The following FEM1B variants were observed in gnomAD, a reference collection of about 807,000 sequenced individuals.
The protein encoded by FEM1B is protein fem-1 homolog B.
FEM1B carries 10 observed loss-of-function variants against 38.6 expected under a neutral mutation model. That is an observed-to-expected ratio of 0.26 (90% CI 0.16 to 0.44). The LOEUF (loss-of-function observed/expected upper bound fraction) is 0.44. Ranked by LOEUF, FEM1B falls within the 20% of genes least tolerant of loss-of-function variation. The pLI is 1.00. For synonymous variants in FEM1B, 288 were observed against 288.0 expected (o/e 1.00, Z 0.00); for missense variants, 471 against 786.7 (o/e 0.60, Z 4.80).
At position 68,288,778 on chromosome 15, in the gene FEM1B, A is replaced by C. The variant is rs950087506; in HGVS notation, c.249-829A>C. On this transcript the variant is annotated intron_variant, in intron 1 of 1. Transcript: ENST00000306917. The surrounding 1 kb of genome is among the most constrained non-coding windows in gnomAD (Gnocchi z 4.6). Reference sequence around the variant, plus strand: ...ACACAGACAAGCAGTATATGCACACACATATACATATACATTTTAAAACTT... The same window carrying C: ...ACACAGACAAGCAGTATATGCACACCCATATACATATACATTTTAAAACTT... Among the ~76,000 whole-genome samples, 7 of 152,202 alleles carry C rather than the reference A, an allele frequency of 4.6e-5. No individual in the cohort carries two copies. Among genetic ancestry groups the C allele is most frequent in the African/African-American group, 1.7e-4 (7 of 41,444 alleles).
chr15:68,283,751 TTATTA>T (rs1048186853), intron 1 of FEM1B, among the ~76,000 whole-genome samples: 7 of 152,174 alleles, frequency 4.6e-5, no homozygotes, highest in Admixed American at 3.3e-4. Context: ...TTGTATTTTT[TTATTA>T]TATTAATCAG....
Position 68,291,210 on chromosome 15 carries a change from A to T in FEM1B, c.1852A>T (p.Arg618Ter). ...CATTAACTACCAAGACCAGATCCCC[A>T]GAACTCTTGAAGAGTTTGTTGGATT... ...NDINYQDQIP[R>*]TLEEFVGFH is the part of the protein sequence containing the mutation. The change falls in exon 2 of 2, where the codon AGA (arginine) becomes TGA (stop). Residue 618 changes from arginine to a stop codon, truncating the protein, a stop_gained. Coordinates refer to ENST00000306917, the MANE Select transcript of FEM1B (RefSeq NM_015322.5). LOFTEE classifies it high-confidence loss of function. The surrounding 1 kb of genome is among the most constrained non-coding windows in gnomAD (Gnocchi z 6.9). The T allele has an allele frequency of 6.2e-7, 1 of 1,605,940 alleles. No homozygotes were observed. Among genetic ancestry groups the T allele is most frequent in the Non-Finnish European group, 8.5e-7 (1 of 1,177,066 alleles).
intron 1 of FEM1B, among the ~76,000 whole-genome samples, chr15:68,282,646 A>G (rs1160872699): frequency 1.3e-5 from 2 of 152,248 alleles, no homozygotes; most frequent in Non-Finnish European, 2.9e-5. Flanking sequence ...AGATGAATAC[A>G]TAATAGAGAA....
rs570469364 is a variant in FEM1B, at chr15:68,278,319, G to A, written c.-99G>A. 2 of 1,461,884 alleles carry A rather than the reference G, an allele frequency of 1.4e-6. No homozygotes were observed. The highest frequency in any genetic ancestry group is 1.4e-5 in the African/African-American group (1 of 70,960). 90.6% of individuals were successfully genotyped at this position (1,461,884 alleles called of 1,614,324 possible). ...GCGACGGCGCCCTGTTGAATGGGCT[G>A]TGAGGGCCCAGGTTTAAAGCGCTGG... On this transcript the variant is annotated 5_prime_UTR_variant, in exon 1 of 2. In the 5' UTR this introduces an upstream ATG that the reference lacks. Coordinates refer to ENST00000306917, the MANE Select transcript of FEM1B (RefSeq NM_015322.5). The surrounding 1 kb of genome is among the most constrained non-coding windows in gnomAD (Gnocchi z 5.7).
rs1020865834 is a variant in FEM1B, at chr15:68,281,279, G to T, written c.248+2614G>T. ...AGTAGATTAGTGTTTCTAATTTTTA[G>T]TCATTCACGTGCTAGCTTCATAATT... On this transcript the variant is annotated intron_variant, in intron 1 of 1. Transcript: ENST00000306917. The surrounding 1 kb of genome is among the most constrained non-coding windows in gnomAD (Gnocchi z 5.1). Among the ~76,000 whole-genome samples the T allele has an allele frequency of 1.3e-5, 2 of 152,170 alleles. No individual in the cohort carries two copies. Among genetic ancestry groups the T allele is most frequent in the Non-Finnish European group, 2.9e-5 (2 of 68,026 alleles).
chr15:68,291,973 A>G lies in FEM1B; in HGVS notation c.*731A>G, dbSNP rs972410405. 6 of 152,328 alleles carry G rather than the reference A, an allele frequency of 3.9e-5. No homozygotes were observed. Among genetic ancestry groups the G allele is most frequent in the East Asian group, 3.9e-4 (2 of 5,194 alleles). The allele number at this position is 152,328 out of a possible 1,614,324, so 9.4% of individuals were successfully genotyped here. A position where few individuals can be genotyped will look rare whatever the true frequency, so the allele number is the denominator to read the frequency against. The stretch of plus-strand genomic sequence containing the variant: ...TTTAGGCTTGAATTCTTCAAAGTCT[A>G]TTTTAATGAAATTTATCTAAATTGC... On this transcript the variant is annotated 3_prime_UTR_variant, in exon 2 of 2. Transcript: ENST00000306917. This position sits in a 1 kb window ranked among gnomAD's most constrained non-coding sequence, Gnocchi z 6.9.
At chr15:68,283,501 C>CT (rs1312511122) in intron 1 of FEM1B, among the ~76,000 whole-genome samples, 1 of 84,874 alleles carries the variant, frequency 1.2e-5, no homozygotes, top group East Asian at 3.2e-4. Context: ...TCATCTCTAC[C>CT]TAAAAAAAAA....
Position 68,291,319 on chromosome 15 carries a change from G to A in FEM1B, c.*77G>A, listed in dbSNP as rs1312481156. 27 of 1,136,616 alleles carry A rather than the reference G, an allele frequency of 2.4e-5. No individual in the cohort carries two copies. The highest frequency in any genetic ancestry group is 5.1e-5 in the Admixed American group (2 of 39,112). 70.4% of individuals were successfully genotyped at this position (1,136,616 alleles called of 1,614,324 possible). On this transcript the variant is annotated 3_prime_UTR_variant, in exon 2 of 2. Coordinates refer to ENST00000306917, the MANE Select transcript of FEM1B (RefSeq NM_015322.5). This position sits in a 1 kb window ranked among gnomAD's most constrained non-coding sequence, Gnocchi z 6.9. ...TTAATCACAGACAGTAGAATTATGT[G>A]TTCATAAATTCTGCTTTTCTTTCCA...
chr15:68,279,522 A>G (rs745343555), intron 1 of FEM1B, among the ~76,000 whole-genome samples: 12 of 152,214 alleles, frequency 7.9e-5, no homozygotes, highest in African/African-American at 1.7e-4. Context: ...TTACAACTGT[A>G]TAACGATTTT....
Position 68,295,270 on chromosome 15 carries a change from CAT to C in FEM1B, c.*4029_*4030del, listed in dbSNP as rs1021880986. 1.4e-4 allele frequency: 21 copies of C among 152,066 alleles called. No individual in the cohort carries two copies. Among genetic ancestry groups the C allele is most frequent in the African/African-American group, 4.8e-4 (20 of 41,374 alleles). 9.4% of individuals were successfully genotyped at this position (152,066 alleles called of 1,614,324 possible). A position where few individuals can be genotyped will look rare whatever the true frequency, so the allele number is the denominator to read the frequency against. ...TTTACAGCTTTTATTCAGGGTGAGT[CAT>C]GTGATGAATGGCCTAATCAGAAAAG... On this transcript the variant is annotated 3_prime_UTR_variant, in exon 2 of 2. Transcript: ENST00000306917.
rs1385251492 is a variant in FEM1B at position 68,292,787 on chromosome 15, T to C, written c.*1545T>C. 6.6e-6 allele frequency: 1 copy of C among 152,000 alleles called. No homozygotes were observed. Among genetic ancestry groups the C allele is most frequent in the Admixed American group, 6.5e-5 (1 of 15,268 alleles). 9.4% of individuals were successfully genotyped at this position (152,000 alleles called of 1,614,324 possible). On this transcript the variant is annotated 3_prime_UTR_variant, in exon 2 of 2. Transcript: ENST00000306917. ...TTGCAGTTGGATCAGTATAAAACAA[T>C]GACCAAGCCAAAATCAGCACCCTAG... is the stretch of plus-strand genomic sequence containing the variant.
At position 68,290,297 on chromosome 15, in the gene FEM1B, A is replaced by G; in HGVS notation, c.939A>G (p.Glu313=). 3 of 1,614,152 alleles carry G rather than the reference A, an allele frequency of 1.9e-6. No homozygotes were observed. Among genetic ancestry groups the G allele is most frequent in the South Asian group, 2.2e-5 (2 of 91,090 alleles). The change falls in exon 2 of 2, where the codon GAA becomes GAG. Residue 313 remains glutamate (E), a synonymous_variant. Coordinates refer to ENST00000306917, the MANE Select transcript of FEM1B (RefSeq NM_015322.5). This position sits in a 1 kb window ranked among gnomAD's most constrained non-coding sequence, Gnocchi z 9.7. ...GAACTGAATGTAGAAATCCTCAGGA[A>G]CTGGAGTCCATTCGGCAAGACAGAG... ...GNRTECRNPQ[E]LESIRQDRDA...
In FEM1B at chr15:68,281,172, AC is replaced by A. The variant is rs1892721888; in HGVS notation, c.248+2510del. On this transcript the variant is annotated intron_variant, in intron 1 of 1. Transcript: ENST00000306917. This position sits in a 1 kb window ranked among gnomAD's most constrained non-coding sequence, Gnocchi z 5.1. ...ACATTAACAATAGAAAGCTGACTTG[AC>A]CCTTGGGGGCTGACCTTTGAAAAAC... Among the ~76,000 whole-genome samples, 1 of 152,142 alleles carries A rather than the reference AC, an allele frequency of 6.6e-6. No individual in the cohort carries two copies. Among genetic ancestry groups the A allele is most frequent in the African/African-American group, 2.4e-5 (1 of 41,438 alleles).
At position 68,293,965 on chromosome 15, in the gene FEM1B, G is replaced by T. The variant is rs1892876040; in HGVS notation, c.*2723G>T. 6.6e-6 allele frequency: 1 copy of T among 152,140 alleles called. No individual in the cohort carries two copies. Among genetic ancestry groups the T allele is most frequent in the Admixed American group, 6.5e-5 (1 of 15,272 alleles). 9.4% of individuals were successfully genotyped at this position (152,140 alleles called of 1,614,324 possible). On this transcript the variant is annotated 3_prime_UTR_variant, in exon 2 of 2. Transcript: ENST00000306917. This position sits in a 1 kb window ranked among gnomAD's most constrained non-coding sequence, Gnocchi z 5.8. ...GTAAATCTTCATTGATGGTATTACAGATTCAACCAAAACTTCTCTGTCCTG... is the reference window on the plus strand; with the variant it reads ...GTAAATCTTCATTGATGGTATTACATATTCAACCAAAACTTCTCTGTCCTG...
rs548474903 is a variant in FEM1B, at chr15:68,278,799, C to A, written c.248+134C>A. ...CTCCCCTTTTTGTACCACCTCCTGC[C>A]CCACTAATGCCCACTTCATCTTCCA... On this transcript the variant is annotated intron_variant, in intron 1 of 1. Transcript: ENST00000306917. The surrounding 1 kb of genome is among the most constrained non-coding windows in gnomAD (Gnocchi z 5.7). 130 of 924,128 alleles carry A rather than the reference C, an allele frequency of 1.4e-4. No individual in the cohort carries two copies. In the African/African-American group the frequency reaches 2.0e-3, roughly 14 times the overall value. 57.2% of individuals were successfully genotyped at this position (924,128 alleles called of 1,614,324 possible).
In FEM1B at chr15:68,278,431, C is replaced by T. The variant is rs1440507550; in HGVS notation, c.14C>T (p.Ala5Val). The change falls in exon 1 of 2, where the codon GCT (alanine) becomes GTT (valine). Residue 5 changes from alanine (A) to valine (V), a missense_variant. This residue lies in a region of FEM1B where 91 missense variants were observed against 169.6 expected (regional missense o/e 0.54). Transcript: ENST00000306917. This position sits in a 1 kb window ranked among gnomAD's most constrained non-coding sequence, Gnocchi z 5.7. MEGL[A>V]GYVYKAASEG... ...TTGGCGGCGGCCATGGAGGGCCTGGCTGGCTATGTATACAAGGCGGCCAGC... is the reference window on the plus strand; with the variant it reads ...TTGGCGGCGGCCATGGAGGGCCTGGTTGGCTATGTATACAAGGCGGCCAGC... 2 of 1,612,146 alleles carry T rather than the reference C, an allele frequency of 1.2e-6. No individual in the cohort carries two copies. Among genetic ancestry groups the T allele is most frequent in the African/African-American group, 2.7e-5 (2 of 74,938 alleles).
chr15:68,278,204 G>T lies in FEM1B; in HGVS notation c.-214G>T. ...CCCTGACCGCCTTCCTCCCTGCGCG[G>T]GCTGGGTCGCGGACGTGCCCTTCGC... On this transcript the variant is annotated 5_prime_UTR_variant, in exon 1 of 2. Transcript: ENST00000306917. This position sits in a 1 kb window ranked among gnomAD's most constrained non-coding sequence, Gnocchi z 5.7. 1.7e-6 allele frequency: 1 copy of T among 604,476 alleles called. No individual in the cohort carries two copies. Among genetic ancestry groups the T allele is most frequent in the Non-Finnish European group, 2.7e-6 (1 of 367,550 alleles). 37.4% of individuals were successfully genotyped at this position (604,476 alleles called of 1,614,324 possible).
Position 68,284,868 on chromosome 15 carries a change from G to C in FEM1B, c.249-4739G>C, listed in dbSNP as rs1892768559. ...GTCACGGGATCTGATGATTGTAAGG[G>C]GGAGATTCCCTGCACAAGCTCACTT... On this transcript the variant is annotated intron_variant, in intron 1 of 1. Transcript: ENST00000306917. This position sits in a 1 kb window ranked among gnomAD's most constrained non-coding sequence, Gnocchi z 4.4. Among the ~76,000 whole-genome samples the C allele has an allele frequency of 6.6e-6, 1 of 152,166 alleles. No individual in the cohort carries two copies. The highest frequency in any genetic ancestry group is 2.1e-4 in the South Asian group (1 of 4,828).
At position 68,291,288 on chromosome 15, in the gene FEM1B, G is replaced by T. The variant is rs761267600; in HGVS notation, c.*46G>T. ...GTTTAATGTGGTGCTAAAAAGTAAA[G>T]GACTTTTAATCACAGACAGTAGAAT... On this transcript the variant is annotated 3_prime_UTR_variant, in exon 2 of 2. Coordinates refer to ENST00000306917, the MANE Select transcript of FEM1B (RefSeq NM_015322.5). This position sits in a 1 kb window ranked among gnomAD's most constrained non-coding sequence, Gnocchi z 6.9. 1 of 1,403,396 alleles carries T rather than the reference G, an allele frequency of 7.1e-7. No individual in the cohort carries two copies. Among genetic ancestry groups the T allele is most frequent in the Non-Finnish European group, 9.7e-7 (1 of 1,029,544 alleles). The allele number at this position is 1,403,396 out of a possible 1,614,324, so 86.9% of individuals were successfully genotyped here.
Sources: gnomAD v4.1 joint callset for allele counts (sites outside exome capture counted in the v4.1 genomes callset) on GRCh38, gnomAD v4.1.1 for gene constraint, gnomAD v4.1.1 regional missense constraint, Gnocchi (gnomAD v3.1) non-coding constraint, MANE v1.5 for transcripts, NCBI Gene and HGNC (gene_info 2026-07-23, HGNC 2026-07-21) for gene names.